Variants in SEMA6D observed in about 807,000 individuals in gnomAD.
SEMA6D encodes semaphorin-6D.
A neutral mutation model predicts 106.6 loss-of-function variants in SEMA6D; 35 were observed. That is an observed-to-expected ratio of 0.33 (90% CI 0.25 to 0.44). The LOEUF (loss-of-function observed/expected upper bound fraction) is 0.44, where lower values mean the gene tolerates loss of function less well. Ranked by LOEUF, SEMA6D falls within the 20% of genes least tolerant of loss-of-function variation. The pLI, the probability that SEMA6D is intolerant of heterozygous loss-of-function variation, is 1.00. For missense variants in SEMA6D, 1,185 were observed against 1,345.9 expected, an observed-to-expected ratio of 0.88 and a Z score of 1.87; for synonymous variants, 499 against 487.7, an observed-to-expected ratio of 1.02 and a Z score of -0.31.
At chr15:47,540,396 C>T (rs1212947446) in intron 3 of SEMA6D, among the ~76,000 whole-genome samples, 5 of 151,686 alleles carry the variant, frequency 3.3e-5, no homozygotes, top group Non-Finnish European at 5.9e-5. Context: ...CATCCTTTGC[C>T]ACTAAGAAAC....
intron 1 of SEMA6D, among the ~76,000 whole-genome samples, chr15:47,207,486 A>C (rs999400021): frequency 2.6e-5 from 4 of 152,180 alleles, no homozygotes; most frequent in African/African-American, 9.7e-5. Context: ...TGACCTAGAA[A>C]CCTAGACAGT....
intron 4 of SEMA6D, among the ~76,000 whole-genome samples, chr15:47,711,759 A>G (rs1266801156): frequency 1.3e-5 from 2 of 152,254 alleles, no homozygotes; most frequent in Non-Finnish European, 2.9e-5. Flanking sequence ...CTATCTGAGA[A>G]GGCAAACAGG....
intron 1 of SEMA6D, among the ~76,000 whole-genome samples, chr15:47,240,701 T>C (rs1429183544): frequency 6.6e-6 from 1 of 152,176 alleles, no homozygotes; most frequent in Non-Finnish European, 1.5e-5. Context: ...TAAAATTAGA[T>C]TGCCTTGACT....
At chr15:47,769,315 A>T (rs2082509750) in intron 18 of SEMA6D, among the ~76,000 whole-genome samples, 1 of 152,154 alleles carries the variant, frequency 6.6e-6, no homozygotes, top group Admixed American at 6.6e-5. Flanking sequence ...ATATTACTCT[A>T]GGAAAAAAAA....
chr15:47,497,521 TTGAC>T (rs1402320680), intron 3 of SEMA6D, among the ~76,000 whole-genome samples: 1 of 152,112 alleles, frequency 6.6e-6, no homozygotes, highest in African/African-American at 2.4e-5. Flanking sequence ...GTTCTCTTCT[TTGAC>T]TGCCTCTACT....
intron 3 of SEMA6D, among the ~76,000 whole-genome samples, chr15:47,552,635 A>G (rs2045739925): frequency 6.8e-6 from 1 of 147,344 alleles, no homozygotes; most frequent in African/African-American, 2.5e-5. Flanking sequence ...CTCGGGGAGC[A>G]GTGACATTTT....
At chr15:47,239,900 C>A (rs1290591204) in intron 1 of SEMA6D, among the ~76,000 whole-genome samples, 2 of 152,114 alleles carry the variant, frequency 1.3e-5, no homozygotes, top group Admixed American at 6.6e-5. Context: ...AACTAAGCTT[C>A]AGTTACATCA....
chr15:47,759,034 A>T (rs2081921791), intron 1 of SEMA6D, among the ~76,000 whole-genome samples: 1 of 152,138 alleles, frequency 6.6e-6, no homozygotes, highest in African/African-American at 2.4e-5. Context: ...TTATGTAAAA[A>T]CGTAGACTTC....
intron 1 of SEMA6D, among the ~76,000 whole-genome samples, chr15:47,212,210 A>T (rs1400971317): frequency 1.3e-5 from 2 of 152,248 alleles, no homozygotes; most frequent in Non-Finnish European, 2.9e-5. Context: ...ATATGCAAGG[A>T]TAATTAAGAA....
At chr15:47,542,050 T>G (rs1298297375) in intron 3 of SEMA6D, among the ~76,000 whole-genome samples, 4 of 152,134 alleles carry the variant, frequency 2.6e-5, no homozygotes, top group Non-Finnish European at 5.9e-5. Flanking sequence ...ACAAGAAACA[T>G]GAAGACATTG....
chr15:47,226,421 C>T (rs1013531621), intron 1 of SEMA6D, among the ~76,000 whole-genome samples: 1 of 152,084 alleles, frequency 6.6e-6, no homozygotes, highest in East Asian at 1.9e-4. Flanking sequence ...CCGTCTAAAA[C>T]ATAAACACAG....
rs1377625720 is a variant in SEMA6D, at chr15:47,227,567, TCTCACACACACA to T, written c.-239+43151_-239+43162del. ...TTCTCTCTCTCTGTCTCTCTCTCTC[TCTCACACACACA>T]CACACACACACACACACAAACACAT... On this transcript the variant is annotated intron_variant, in intron 1 of 19. Transcript: ENST00000558014. 2.9e-3 allele frequency among the ~76,000 whole-genome samples: 256 copies of T among 87,332 alleles called. 2 individuals carry two copies. The highest frequency in any genetic ancestry group is 7.5e-3 in the African/African-American group (239 of 31,688). 57.3% of individuals were successfully genotyped at this position (87,332 alleles called of 152,430 possible). A position where few individuals can be genotyped will look rare whatever the true frequency, so the allele number is the denominator to read the frequency against.
chr15:47,371,803 C>T (rs951778696), intron 1 of SEMA6D, among the ~76,000 whole-genome samples: 1 of 152,176 alleles, frequency 6.6e-6, no homozygotes, highest in South Asian at 2.1e-4. Context: ...TGATGATCAT[C>T]ATAGAAAATA....
chr15:47,670,853 G>A (rs1412511851), intron 4 of SEMA6D, among the ~76,000 whole-genome samples: 4 of 152,152 alleles, frequency 2.6e-5, no homozygotes, highest in Non-Finnish European at 5.9e-5. Context: ...TTTGTTGCAA[G>A]AAATATTATG....
intron 1 of SEMA6D, among the ~76,000 whole-genome samples, chr15:47,364,241 A>G (rs1261976766): frequency 6.6e-6 from 1 of 152,202 alleles, no homozygotes. Context: ...AAGTCCTGGT[A>G]GGAGGTTGTG....
intron 4 of SEMA6D, among the ~76,000 whole-genome samples, chr15:47,702,359 T>C (rs2078829179): frequency 6.6e-6 from 1 of 152,148 alleles, no homozygotes; most frequent in Non-Finnish European, 1.5e-5. Flanking sequence ...TTCAGAACAC[T>C]GACAACAAGA....
At chr15:47,194,713 C>T (rs1396936050) in intron 1 of SEMA6D, among the ~76,000 whole-genome samples, 1 of 152,126 alleles carries the variant, frequency 6.6e-6, no homozygotes, top group South Asian at 2.1e-4. Context: ...TTCTTTGACT[C>T]AGCCAGTTTT....
chr15:47,577,996 A>G (rs1054838881), intron 3 of SEMA6D, among the ~76,000 whole-genome samples: 12 of 152,228 alleles, frequency 7.9e-5, no homozygotes, highest in Admixed American at 6.5e-4. Flanking sequence ...GGAGACCTTT[A>G]TAGATAGTAA....
At chr15:47,641,875 T>G (rs2077494722) in intron 4 of SEMA6D, among the ~76,000 whole-genome samples, 1 of 152,162 alleles carries the variant, frequency 6.6e-6, no homozygotes. Context: ...TAATCCCCAG[T>G]CTGGCATTGG....
Sources: allele counts gnomAD v4.1 joint callset (sites outside exome capture counted in the v4.1 genomes callset), GRCh38; gene constraint gnomAD v4.1.1; transcripts MANE v1.5; gene names NCBI Gene and HGNC (gene_info 2026-07-23, HGNC 2026-07-21).